TTC7A: variants seen among roughly 807,000 people sequenced by gnomAD.
The protein encoded by TTC7A is tetratricopeptide repeat protein 7A.
Under a neutral mutation model 103.7 loss-of-function variants are expected in TTC7A, and 110 were observed. That is an observed-to-expected ratio of 1.06 (90% CI 0.91 to 1.24). TTC7A has a LOEUF of 1.24. Ranked by LOEUF, TTC7A falls within the 50% of genes most tolerant of loss-of-function variation. The probability of loss-of-function intolerance (pLI) is 0.00; values close to 1 mark genes in which losing one functional copy is unlikely to be tolerated. For synonymous variants in TTC7A, 521 were observed against 467.9 expected (o/e 1.11, Z -1.47); for missense variants, 1,340 against 1,116.3 (o/e 1.20, Z -2.86).
At chr2:47,070,257 G>A (rs1684558180) in intron 19 of TTC7A, among the ~76,000 whole-genome samples, 2 of 152,276 alleles carry the variant, frequency 1.3e-5, no homozygotes, top group South Asian at 4.1e-4. Context: ...CAGATGACCT[G>A]GGTCCCACAG....
intron 3 of TTC7A, among the ~76,000 whole-genome samples, chr2:46,963,617 A>T (rs1327128875): frequency 6.6e-6 from 1 of 152,214 alleles, no homozygotes; most frequent in Non-Finnish European, 1.5e-5. Context: ...GGTTATAATA[A>T]CCAATGTACA....
intron 5 of TTC7A, among the ~76,000 whole-genome samples, chr2:46,987,161 G>A (rs1029950114): frequency 6.6e-6 from 1 of 152,138 alleles, no homozygotes; most frequent in African/African-American, 2.4e-5. Flanking sequence ...GGTGGAGGGC[G>A]TCTCTTCCCC....
chr2:46,942,003 A>G (rs149034279), intron 1 of TTC7A: 1 of 558,898 alleles, frequency 1.8e-6, no homozygotes, highest in African/African-American at 1.9e-5. Context: ...GTATCTGCAT[A>G]TCATGAGATC....
At chr2:46,982,240 G>A (rs1438708085) in intron 5 of TTC7A, among the ~76,000 whole-genome samples, 1 of 152,192 alleles carries the variant, frequency 6.6e-6, no homozygotes, top group Non-Finnish European at 1.5e-5. Context: ...CAGGCTTAGT[G>A]GCATGCACCT....
At chr2:47,063,375 C>A (rs977716888) in intron 19 of TTC7A, among the ~76,000 whole-genome samples, 12 of 152,224 alleles carry the variant, frequency 7.9e-5, no homozygotes, top group Non-Finnish European at 2.9e-5. Context: ...CAGTCCCTCA[C>A]CAGTGTCAGA....
chr2:46,969,409 A>G (rs1270122460), intron 3 of TTC7A, among the ~76,000 whole-genome samples: 1 of 151,016 alleles, frequency 6.6e-6, no homozygotes, highest in Non-Finnish European at 1.5e-5. Context: ...CGGGAGGCTG[A>G]GGCAGGAGAA....
chr2:46,968,405 C>T (rs1187725680), intron 3 of TTC7A, among the ~76,000 whole-genome samples: 2 of 152,154 alleles, frequency 1.3e-5, no homozygotes, highest in African/African-American at 2.4e-5. Context: ...GTAGTCTGGC[C>T]GTTTGTGCAG....
chr2:47,006,607 T>C (rs1472137779), intron 9 of TTC7A, 34 bp from the exon 10 acceptor site: 2 of 1,583,994 alleles, frequency 1.3e-6, no homozygotes, highest in Non-Finnish European at 1.7e-6. Flanking sequence ...GGAGGACCCC[T>C]GGTGGGTAAA....
intron 10 of TTC7A, among the ~76,000 whole-genome samples, chr2:47,008,237 C>A (rs1467664148): frequency 2.6e-5 from 4 of 152,196 alleles, no homozygotes; most frequent in Admixed American, 2.6e-4. Context: ...CAGTGGTTCG[C>A]ACCCTTCTGT....
rs1179246360 is a variant in TTC7A at position 46,941,877 on chromosome 2, C to G, written c.184+152C>G. The G allele has an allele frequency of 2.1e-6, 2 of 952,660 alleles. No homozygotes were observed. The highest frequency in any genetic ancestry group is 3.3e-5 in the African/African-American group (2 of 60,234). The allele number at this position is 952,660 out of a possible 1,614,324, so 59.0% of individuals were successfully genotyped here. A position where few individuals can be genotyped will look rare whatever the true frequency, so the allele number is the denominator to read the frequency against. On this transcript the variant is annotated intron_variant, in intron 1 of 19. Transcript: ENST00000319190. This position sits in a 1 kb window ranked among gnomAD's most constrained non-coding sequence, Gnocchi z 4.2. Reference sequence around the variant, plus strand: ...GAGCAGCCAGGGCAGTTAGGAAGGTCCTTCTGCCGCGAGAGAAAAATCACA... The same window carrying G: ...GAGCAGCCAGGGCAGTTAGGAAGGTGCTTCTGCCGCGAGAGAAAAATCACA...
intron 5 of TTC7A, among the ~76,000 whole-genome samples, chr2:46,979,356 G>T (rs974027239): frequency 6.6e-6 from 1 of 152,140 alleles, no homozygotes; most frequent in Non-Finnish European, 1.5e-5. Context: ...TGTTCATTCC[G>T]GCTTTTAAGG....
At position 47,024,553 on chromosome 2, in the gene TTC7A, C is replaced by T. The variant is rs73929355; in HGVS notation, c.1641+194C>T. On this transcript the variant is annotated intron_variant, in intron 14 of 19. Coordinates refer to ENST00000319190, the MANE Select transcript of TTC7A (RefSeq NM_020458.4). Reference sequence around the variant, plus strand: ...ATGAGGTCAGGTAATGTGGGTAAAGCCGTGGTGGGTACACAGGAAGGGCGT... The same window carrying T: ...ATGAGGTCAGGTAATGTGGGTAAAGTCGTGGTGGGTACACAGGAAGGGCGT... Among the ~76,000 whole-genome samples, 3,256 of 152,198 alleles carry T rather than the reference C, an allele frequency of 0.021. 103 individuals are homozygous for T. Among genetic ancestry groups the T allele is most frequent in the African/African-American group, 0.074 (3,078 of 41,488 alleles).
At chr2:46,937,653 G>T (rs1670046610), upstream of TTC7A, among the ~76,000 whole-genome samples, 1 of 152,160 alleles carries the variant, frequency 6.6e-6, no homozygotes, top group African/African-American at 2.4e-5. This position sits in a 1 kb window ranked among gnomAD's most constrained non-coding sequence, Gnocchi z 4.0. Flanking sequence ...GTCCAGGCTG[G>T]TCTTGAATTC....
At chr2:47,006,175 C>T (rs893245172) in intron 9 of TTC7A, 116 bp downstream of exon 9, 27 of 1,374,170 alleles carry the variant, frequency 2.0e-5, no homozygotes, top group Non-Finnish European at 2.7e-5. Flanking sequence ...GCTGCTCTGC[C>T]GCTTTGACCT....
rs906403984 is a variant in TTC7A at position 47,060,831 on chromosome 2, G to A, written c.2215G>A (p.Gly739Ser). ...EAGFCIQEAA[G>S]LFPTSHSVLY... ...AGGTTTCTGCATCCAGGAGGCGGCGGGCCTCTTCCCCACTTCTCACTCAGT... is the reference window on the plus strand; with the variant it reads ...AGGTTTCTGCATCCAGGAGGCGGCGAGCCTCTTCCCCACTTCTCACTCAGT... The change falls in exon 19 of 20, where the codon GGC becomes AGC. Residue 739 changes from glycine (G) to serine (S), a missense_variant. Physicochemically the swap from Gly to Ser is moderately conservative, Grantham distance 56. Coordinates refer to ENST00000319190, the MANE Select transcript of TTC7A (RefSeq NM_020458.4). The A allele has an allele frequency of 6.2e-6, 10 of 1,613,756 alleles. No individual in the cohort carries two copies. Among genetic ancestry groups the A allele is most frequent in the Non-Finnish European group, 8.5e-6 (10 of 1,179,804 alleles).
intron 8 of TTC7A, among the ~76,000 whole-genome samples, chr2:46,996,431 G>A (rs1676191768): frequency 6.6e-6 from 1 of 152,248 alleles, no homozygotes; most frequent in Non-Finnish European, 1.5e-5. Flanking sequence ...ACAGCCAGAA[G>A]TGAATGTTCC....
chr2:46,967,685 A>G (rs139757783), intron 3 of TTC7A, among the ~76,000 whole-genome samples: 7 of 152,252 alleles, frequency 4.6e-5, no homozygotes, highest in African/African-American at 1.7e-4. Context: ...GGTTGCTTCT[A>G]CATTTTAACT....
At position 46,941,459 on chromosome 2, in the gene TTC7A, G is replaced by A; in HGVS notation, c.-83G>A. ...GTCTGCGCCCCCGTCGACCCCGCCC[G>A]CGAGTGCGCCCCAGCCAGGACGCCG... On this transcript the variant is annotated 5_prime_UTR_variant, in exon 1 of 20. Coordinates refer to ENST00000319190, the MANE Select transcript of TTC7A (RefSeq NM_020458.4). This position sits in a 1 kb window ranked among gnomAD's most constrained non-coding sequence, Gnocchi z 4.2. 32 of 1,426,234 alleles carry A rather than the reference G, an allele frequency of 2.2e-5. No homozygotes were observed. Among genetic ancestry groups the A allele is most frequent in the Non-Finnish European group, 2.9e-5 (31 of 1,076,934 alleles). The allele number at this position is 1,426,234 out of a possible 1,614,324, so 88.3% of individuals were successfully genotyped here.
At chr2:47,024,041 C>A (rs1464584368) in intron 13 of TTC7A, among the ~76,000 whole-genome samples, 1 of 152,076 alleles carries the variant, frequency 6.6e-6, no homozygotes, top group Admixed American at 6.5e-5. Context: ...GCTGCCCTCC[C>A]AGATGGCCCC....
Sources: gnomAD v4.1 joint callset for allele counts (sites outside exome capture counted in the v4.1 genomes callset) on GRCh38, gnomAD v4.1.1 for gene constraint, Gnocchi (gnomAD v3.1) non-coding constraint, MANE v1.5 for transcripts, NCBI Gene and HGNC (gene_info 2026-07-23, HGNC 2026-07-21) for gene names.